The following PCDHGA11 variants were observed in gnomAD, a reference collection of about 807,000 sequenced individuals.
PCDHGA11 encodes the protein protocadherin gamma-A11.
A neutral mutation model predicts 60.4 loss-of-function variants in PCDHGA11; 39 were observed. The ratio of observed to expected loss-of-function variants is 0.65; its 90% CI spans 0.50 to 0.84. PCDHGA11 has a LOEUF of 0.84. Ranked by LOEUF, PCDHGA11 falls within the 40% of genes least tolerant of loss-of-function variation. The pLI, the probability that PCDHGA11 is intolerant of heterozygous loss-of-function variation, is 0.00. For missense variants in PCDHGA11, 1,165 were observed against 1,197.7 expected, an observed-to-expected ratio of 0.97 and a Z score of 0.40; for synonymous variants, 533 against 510.3, an observed-to-expected ratio of 1.04 and a Z score of -0.60.
rs375937711 is a variant in PCDHGA11, at chr5:141,421,524, G to A, written c.297G>A (p.Thr99=). Reference sequence around the variant, plus strand: ...TAGACCGGGAGGAGCTCTGTGAGACGGTGTCCTCCTGTTTTTTAAATATGG... The same window carrying A: ...TAGACCGGGAGGAGCTCTGTGAGACAGTGTCCTCCTGTTTTTTAAATATGG... ...GRIDREELCE[T]VSSCFLNMEL... Residue 99 remains threonine (T), a synonymous_variant, in exon 1 of 4, where the codon ACG becomes ACA. Coordinates refer to ENST00000398587, the MANE Select transcript of PCDHGA11 (RefSeq NM_018914.3). 1.5e-5 allele frequency: 25 copies of A among 1,613,940 alleles called. No homozygotes were observed. The highest frequency in any genetic ancestry group is 5.0e-5 in the Admixed American group (3 of 60,016).
rs922592733 is a variant in PCDHGA11 at position 141,487,979 on chromosome 5, C to T, written c.2434-6828C>T. Among the ~76,000 whole-genome samples the T allele has an allele frequency of 1.3e-5, 2 of 152,178 alleles. No individual in the cohort carries two copies. Among genetic ancestry groups the T allele is most frequent in the African/African-American group, 4.8e-5 (2 of 41,442 alleles). The stretch of plus-strand genomic sequence containing the variant: ...TGGACAAAGGTGGCTGTTTTCTCTA[C>T]TCTTCCTGAAAGAGGGGATCAGATT... On this transcript the variant is annotated intron_variant, in intron 1 of 3. Coordinates refer to ENST00000398587, the MANE Select transcript of PCDHGA11 (RefSeq NM_018914.3). The surrounding 1 kb of genome is among the most constrained non-coding windows in gnomAD (Gnocchi z 5.0).
At chr5:141,460,502 G>A (rs1300155108) in intron 1 of PCDHGA11, among the ~76,000 whole-genome samples, 1 of 152,094 alleles carries the variant, frequency 6.6e-6, no homozygotes, top group Non-Finnish European at 1.5e-5. Flanking sequence ...AAAATATGCT[G>A]AGAAGGCTAT....
intron 1 of PCDHGA11, among the ~76,000 whole-genome samples, chr5:141,463,087 C>T (rs971667191): frequency 6.6e-6 from 1 of 152,120 alleles, no homozygotes; most frequent in Non-Finnish European, 1.5e-5. Context: ...CATTTTCCAG[C>T]CCTATGTGAC....
chr5:141,489,915 C>T lies in PCDHGA11; in HGVS notation c.2434-4892C>T, dbSNP rs971312502. On this transcript the variant is annotated intron_variant, in intron 1 of 3. Coordinates refer to ENST00000398587, the MANE Select transcript of PCDHGA11 (RefSeq NM_018914.3). This position sits in a 1 kb window ranked among gnomAD's most constrained non-coding sequence, Gnocchi z 4.5. ...GGGGGACCCCAGCCCGCTCAGGGAC[C>T]ACCCTTATCTCTGTCATCGTGCTGG... The T allele has an allele frequency of 6.2e-7, 1 of 1,614,242 alleles. No individual in the cohort carries two copies. Among genetic ancestry groups the T allele is most frequent in the Non-Finnish European group, 8.5e-7 (1 of 1,180,044 alleles).
chr5:141,466,203 C>G (rs1291051063), intron 1 of PCDHGA11, among the ~76,000 whole-genome samples: 1 of 151,914 alleles, frequency 6.6e-6, no homozygotes, highest in Non-Finnish European at 1.5e-5. Context: ...CACAGCCTTG[C>G]TCTGTTACCC....
Position 141,422,665 on chromosome 5 carries a change from C to T in PCDHGA11, c.1438C>T (p.Pro480Ser). Residue 480 changes from proline (P) to serine (S), a missense_variant, in exon 1 of 4, where the codon CCG becomes TCG. Pro to Ser is a moderately conservative substitution (Grantham distance 74). Coordinates refer to ENST00000398587, the MANE Select transcript of PCDHGA11 (RefSeq NM_018914.3). ...ASIFSVTALDPDSKQNALVTY... is the reference protein window; with the variant it reads ...ASIFSVTALDSDSKQNALVTY... ...CATCTTCTCAGTGACCGCCCTCGAC[C>T]CGGACAGCAAACAGAATGCCCTGGT... The T allele has an allele frequency of 1.2e-6, 2 of 1,608,390 alleles. No individual in the cohort carries two copies. Among genetic ancestry groups the T allele is most frequent in the Non-Finnish European group, 8.5e-7 (1 of 1,176,890 alleles).
chr5:141,490,181 G>T lies in PCDHGA11; in HGVS notation c.2434-4626G>T, dbSNP rs755899660. ...GGTCCCATAGACTTTGAGGAGTCAC[G>T]TTTCTATGAAATTCATGCAAGAGCC... is the stretch of plus-strand genomic sequence containing the variant. On this transcript the variant is annotated intron_variant, in intron 1 of 3. Coordinates refer to ENST00000398587, the MANE Select transcript of PCDHGA11 (RefSeq NM_018914.3). The surrounding 1 kb of genome is among the most constrained non-coding windows in gnomAD (Gnocchi z 5.4). The T allele has an allele frequency of 6.2e-7, 1 of 1,614,200 alleles. No individual in the cohort carries two copies. The highest frequency in any genetic ancestry group is 8.5e-7 in the Non-Finnish European group (1 of 1,180,030).
Position 141,476,656 on chromosome 5 carries a change from T to G in PCDHGA11, c.2434-18151T>G, listed in dbSNP as rs190269177. On this transcript the variant is annotated intron_variant, in intron 1 of 3. Transcript: ENST00000398587. The surrounding 1 kb of genome is among the most constrained non-coding windows in gnomAD (Gnocchi z 7.6). ...ATGAGCTGAGCCGAAATGAATACTTTGCGCTTCGCGTGCAGACGCGGGAGG... is the reference window on the plus strand; with the variant it reads ...ATGAGCTGAGCCGAAATGAATACTTGGCGCTTCGCGTGCAGACGCGGGAGG... The G allele has an allele frequency of 1.2e-6, 2 of 1,614,210 alleles. No individual in the cohort carries two copies. The highest frequency in any genetic ancestry group is 1.7e-6 in the Non-Finnish European group (2 of 1,180,044).
Position 141,431,645 on chromosome 5 carries a change from T to C in PCDHGA11, c.2433+7985T>C. ...GGCGGCCCAAGTTTTCAAACTAGAT[T>C]GTAATTCAGGGACAATATCAACAAT... is the stretch of plus-strand genomic sequence containing the variant. On this transcript the variant is annotated intron_variant, in intron 1 of 3. Coordinates refer to ENST00000398587, the MANE Select transcript of PCDHGA11 (RefSeq NM_018914.3). This position sits in a 1 kb window ranked among gnomAD's most constrained non-coding sequence, Gnocchi z 4.8. 6.2e-7 allele frequency: 1 copy of C among 1,614,236 alleles called. No individual in the cohort carries two copies.
At chr5:141,495,437 C>T (rs2099761356) in intron 2 of PCDHGA11, among the ~76,000 whole-genome samples, 1 of 152,178 alleles carries the variant, frequency 6.6e-6, no homozygotes, top group East Asian at 1.9e-4. Flanking sequence ...GTCCTCTGCC[C>T]CTACTTGTCC....
intron 1 of PCDHGA11, among the ~76,000 whole-genome samples, chr5:141,471,071 C>T (rs1208702673): frequency 7.7e-6 from 1 of 129,696 alleles, no homozygotes; most frequent in Non-Finnish European, 1.6e-5. Context: ...TTTTTTGAGA[C>T]AGGGTCTCCC....
In PCDHGA11 at chr5:141,423,482, A is replaced by G; in HGVS notation, c.2255A>G (p.Gln752Arg). The change falls in exon 1 of 4, where the codon CAA becomes CGA. Residue 752 changes from glutamine (Q) to arginine (R), a missense_variant. Coordinates refer to ENST00000398587, the MANE Select transcript of PCDHGA11 (RefSeq NM_018914.3). ...VGVDGVQAFLQTYSHEVSLIA... is the reference protein window; with the variant it reads ...VGVDGVQAFLRTYSHEVSLIA... The stretch of plus-strand genomic sequence containing the variant: ...GTGGACGGGGTACAGGCTTTCCTGC[A>G]AACCTATTCCCACGAGGTCTCTCTC... The G allele has an allele frequency of 1.2e-6, 2 of 1,613,968 alleles. No homozygotes were observed. The highest frequency in any genetic ancestry group is 1.3e-5 in the African/African-American group (1 of 75,042).
chr5:141,453,680 A>G (rs1466590010), intron 1 of PCDHGA11, among the ~76,000 whole-genome samples: 1 of 152,220 alleles, frequency 6.6e-6, no homozygotes, highest in Non-Finnish European at 1.5e-5. Context: ...GTAACACACT[A>G]TGTAGGTAGT....
rs750973568 is a variant in PCDHGA11 at position 141,421,697 on chromosome 5, A to T, written c.470A>T (p.Asn157Ile). ...AIPGARFALP[N>I]ARDPDVGVNS... ...CCTGGGGCGCGATTTGCTCTTCCTA[A>T]TGCTAGGGATCCAGATGTGGGCGTG... is the stretch of plus-strand genomic sequence containing the variant. Residue 157 changes from asparagine (N) to isoleucine (I), a missense_variant, in exon 1 of 4, where the codon AAT (asparagine) becomes ATT (isoleucine). By Grantham distance (149) the Asn-to-Ile change is moderately radical. Transcript: ENST00000398587. 8 of 1,613,924 alleles carry T rather than the reference A, an allele frequency of 5.0e-6. No homozygotes were observed. The highest frequency in any genetic ancestry group is 6.8e-6 in the Non-Finnish European group (8 of 1,179,872).
chr5:141,481,794 A>G (rs1433830305), intron 1 of PCDHGA11, among the ~76,000 whole-genome samples: 1 of 152,136 alleles, frequency 6.6e-6, no homozygotes, highest in Non-Finnish European at 1.5e-5. Context: ...TCTACTAAAA[A>G]TACAAAAATT....
chr5:141,433,090 C>T, intron 1 of PCDHGA11: 2 of 1,614,210 alleles, frequency 1.2e-6, no homozygotes, highest in Non-Finnish European at 1.7e-6. Flanking sequence ...ACTATGCAGA[C>T]ATGCTCGTCA....
At position 141,422,963 on chromosome 5, in the gene PCDHGA11, C is replaced by T. The variant is rs372620011; in HGVS notation, c.1736C>T (p.Ala579Val). The part of the protein sequence containing the change: ...PTDGSTGVEL[A>V]PRSAEPGYLV... ...GACGGCTCCACTGGCGTGGAGCTGGCGCCCCGCTCTGCGGAACCTGGCTAC... is the reference window on the plus strand; with the variant it reads ...GACGGCTCCACTGGCGTGGAGCTGGTGCCCCGCTCTGCGGAACCTGGCTAC... Residue 579 changes from alanine to valine, a missense_variant, in exon 1 of 4, where the codon GCG (alanine) becomes GTG (valine). Physicochemically the swap from Ala to Val is moderately conservative, Grantham distance 64 (BLOSUM62 0). Transcript: ENST00000398587. 43 of 1,614,120 alleles carry T rather than the reference C, an allele frequency of 2.7e-5. No homozygotes were observed. The highest frequency in any genetic ancestry group is 1.6e-4 in the Middle Eastern group (1 of 6,084).
Position 141,491,029 on chromosome 5 carries a change from G to T in PCDHGA11, c.2434-3778G>T. 1 of 1,614,172 alleles carries T rather than the reference G, an allele frequency of 6.2e-7. No homozygotes were observed. The highest frequency in any genetic ancestry group is 1.1e-5 in the South Asian group (1 of 91,088). On this transcript the variant is annotated intron_variant, in intron 1 of 3. Coordinates refer to ENST00000398587, the MANE Select transcript of PCDHGA11 (RefSeq NM_018914.3). The surrounding 1 kb of genome is among the most constrained non-coding windows in gnomAD (Gnocchi z 6.9). ...GGTCACCAAGGTGACAGCCGTGGAT[G>T]CTGATGCAGGCCACAATGCGTGGCT...
intron 1 of PCDHGA11, among the ~76,000 whole-genome samples, chr5:141,488,600 A>G (rs2099677400): frequency 6.6e-6 from 1 of 152,166 alleles, no homozygotes; most frequent in Admixed American, 6.5e-5. Flanking sequence ...AAGACTTTAC[A>G]AGGTTCTTAC....
Sources: allele counts gnomAD v4.1 joint callset (sites outside exome capture counted in the v4.1 genomes callset), GRCh38; gene constraint gnomAD v4.1.1; non-coding constraint Gnocchi (gnomAD v3.1); transcripts MANE v1.5; gene names NCBI Gene and HGNC (gene_info 2026-07-23, HGNC 2026-07-21).